The following NASP variants were observed in gnomAD, a reference collection of about 807,000 sequenced individuals.
NASP encodes nuclear autoantigenic sperm protein.
Under a neutral mutation model 89.5 loss-of-function variants are expected in NASP, and 24 were observed. The ratio of observed to expected loss-of-function variants is 0.27; its 90% confidence interval spans 0.19 to 0.38. NASP has a LOEUF of 0.38. Ranked by LOEUF, NASP falls within the 10% of genes least tolerant of loss-of-function variation. The pLI, the probability that NASP is intolerant of heterozygous loss-of-function variation, is 1.00. For synonymous variants in NASP, 306 were observed against 324.7 expected (o/e 0.94, Z 0.62); for missense variants, 848 against 921.4 (o/e 0.92, Z 1.03).
intron 4 of NASP, 57 bp from the exon 5 acceptor site, chr1:45,606,424 AG>A: frequency 8.1e-7 from 1 of 1,238,948 alleles, no homozygotes; most frequent in Non-Finnish European, 1.2e-6. Flanking sequence ...TTTCTGTCTT[AG>A]AAAAAATTGC....
rs1179817272 is a variant in NASP, at chr1:45,587,682, AT to A, written c.59+3478del. Among the ~76,000 whole-genome samples, 817 of 102,114 alleles carry A rather than the reference AT, an allele frequency of 8.0e-3. 93 individuals carry two copies. The highest frequency in any genetic ancestry group is 0.026 in the African/African-American group (684 of 26,164). The allele number at this position is 102,114 out of a possible 152,430, so 67.0% of individuals were successfully genotyped here. On this transcript the variant is annotated intron_variant, in intron 1 of 14. Transcript: ENST00000350030. Reference sequence around the variant, plus strand: ...TTTTCATATATATATATATATATATATATATAATTAATTTTTTGGAGAGAGA... The same window carrying A: ...TTTTCATATATATATATATATATATAATATAATTAATTTTTTGGAGAGAGA...
chr1:45,607,748 A>T lies in NASP; in HGVS notation c.837A>T (p.Glu279Asp). The change falls in exon 6 of 15, where the codon GAA (glutamate) becomes GAT (aspartate). Residue 279 changes from glutamate (E) to aspartate (D), a missense_variant. Glu to Asp is a conservative substitution (Grantham distance 45). Coordinates refer to ENST00000350030, the MANE Select transcript of NASP (RefSeq NM_002482.4). ...AGGAGAAGCCAAAAGAAGTTTCAGA[A>T]GAGCAGCCTGTGGTGACTCTAGAAA... Reference protein sequence around the residue: ...SIEEKPKEVSEEQPVVTLEKQ... With the variant: ...SIEEKPKEVSDEQPVVTLEKQ... The T allele has an allele frequency of 1.2e-6, 2 of 1,614,140 alleles. No individual in the cohort carries two copies. Among genetic ancestry groups the T allele is most frequent in the South Asian group, 2.2e-5 (2 of 91,080 alleles).
In NASP at chr1:45,618,802, T is replaced by C. The variant is rs773839451; in HGVS notation, c.*661T>C. 6.6e-6 allele frequency: 1 copy of C among 152,268 alleles called. No homozygotes were observed. The highest frequency in any genetic ancestry group is 1.5e-5 in the Non-Finnish European group (1 of 68,076). The allele number at this position is 152,268 out of a possible 1,614,324, so 9.4% of individuals were successfully genotyped here. ...GGGGAGGCTGGCTGGTTGAGTTTTG[T>C]TATTTTCTGTATAGAAAGGTTGAGA... On this transcript the variant is annotated 3_prime_UTR_variant, in exon 15 of 15. Coordinates refer to ENST00000350030, the MANE Select transcript of NASP (RefSeq NM_002482.4).
chr1:45,600,039 G>A (rs955778619), intron 2 of NASP, among the ~76,000 whole-genome samples: 3 of 120,078 alleles, frequency 2.5e-5, no homozygotes, highest in African/African-American at 9.8e-5. Flanking sequence ...GCTCATTCTT[G>A]TTATAATCAC....
intron 7 of NASP, 120 bp downstream of exon 7, chr1:45,613,368 C>G: frequency 8.5e-7 from 1 of 1,172,368 alleles, no homozygotes; most frequent in Non-Finnish European, 1.2e-6. Flanking sequence ...CTCACTGCAG[C>G]CTAGACCCGG....
At chr1:45,616,784 A>G in intron 13 of NASP, 81 bp downstream of exon 13, 1 of 1,287,682 alleles carries the variant, frequency 7.8e-7, no homozygotes, top group Non-Finnish European at 1.1e-6. Flanking sequence ...CCCTCCCTAT[A>G]GTTGGTGCAT....
chr1:45,614,788 C>T (rs1448856405), intron 9 of NASP, among the ~76,000 whole-genome samples: 1 of 152,160 alleles, frequency 6.6e-6, no homozygotes, highest in Non-Finnish European at 1.5e-5. Context: ...CTGCCCGCCT[C>T]AGCCTCCCAA....
At chr1:45,589,514 A>C (rs78564007) in intron 1 of NASP, among the ~76,000 whole-genome samples, 3 of 152,158 alleles carry the variant, frequency 2.0e-5, no homozygotes, top group African/African-American at 7.2e-5. Flanking sequence ...ATTCATGCTC[A>C]TTCTAAAAAT....
chr1:45,598,336 A>C (rs1398910103), intron 2 of NASP, among the ~76,000 whole-genome samples: 7 of 152,102 alleles, frequency 4.6e-5, no homozygotes, highest in Admixed American at 2.6e-4. Context: ...ATGCCCGGCT[A>C]ATTTTGTATT....
chr1:45,592,707 G>T (rs927980882), intron 2 of NASP: 2 of 152,094 alleles, frequency 1.3e-5, no homozygotes, highest in Admixed American at 6.5e-5. Flanking sequence ...TAGAGACAGG[G>T]TTTCGCCATG....
chr1:45,593,555 ACTC>A (rs899595393), intron 2 of NASP, among the ~76,000 whole-genome samples: 1 of 145,940 alleles, frequency 6.9e-6, no homozygotes, highest in African/African-American at 2.5e-5. Context: ...AAAAAAAAAA[ACTC>A]CGAGAACAGT....
intron 1 of NASP, among the ~76,000 whole-genome samples, chr1:45,590,708 C>T (rs1212394511): frequency 5.4e-5 from 5 of 92,588 alleles, no homozygotes; most frequent in Admixed American, 1.6e-4. Context: ...TTTTTTGAGA[C>T]GGAGTCTCGC....
At chr1:45,612,204 A>G (rs1300564828) in intron 6 of NASP, 3 of 151,920 alleles carry the variant, frequency 2.0e-5, no homozygotes, top group Admixed American at 6.6e-5. Flanking sequence ...TTCTTTGAAA[A>G]CGGAATCTCT....
At chr1:45,612,359 G>C (rs1644030154) in intron 6 of NASP, 1 of 152,172 alleles carries the variant, frequency 6.6e-6, no homozygotes, top group Non-Finnish European at 1.5e-5. Context: ...AAAGATGGCA[G>C]AGAGAGGCAT....
chr1:45,584,449 G>A (rs1427493328), intron 1 of NASP, among the ~76,000 whole-genome samples: 1 of 152,206 alleles, frequency 6.6e-6, no homozygotes, highest in Non-Finnish European at 1.5e-5. Context: ...ATCTTGCCGG[G>A]GGCAGCGGCG....
At position 45,615,041 on chromosome 1, in the gene NASP, C is replaced by A; in HGVS notation, c.1695C>A (p.Phe565Leu). The change falls in exon 10 of 15, where the codon TTC (phenylalanine) becomes TTA (leucine). Residue 565 changes from phenylalanine to leucine, a missense_variant. Phe to Leu is a conservative substitution (Grantham distance 22, BLOSUM62 0). This residue lies in a region of NASP where 60 missense variants were observed against 114.6 expected (regional missense o/e 0.52). Transcript: ENST00000350030. ...SENYVQAVEE[F>L]QSCLNLQEQY... The stretch of plus-strand genomic sequence containing the variant: ...ACTATGTGCAAGCTGTGGAGGAGTT[C>A]CAGTCCTGCCTTAACCTGCAGGAAC... 1 of 1,613,576 alleles carries A rather than the reference C, an allele frequency of 6.2e-7. No homozygotes were observed. The highest frequency in any genetic ancestry group is 8.5e-7 in the Non-Finnish European group (1 of 1,179,858).
In NASP at chr1:45,608,025, C is replaced by A. The variant is rs200497808; in HGVS notation, c.1114C>A (p.Pro372Thr). 17 of 1,548,370 alleles carry A rather than the reference C, an allele frequency of 1.1e-5. No homozygotes were observed. The highest frequency in any genetic ancestry group is 1.5e-5 in the Non-Finnish European group (17 of 1,119,824). ...EVSEKPGQEA[P>T]VLPKDGAVNG... is the part of the protein sequence containing the mutation. ...CTCTGAAAAGCCTGGGCAGGAGGCT[C>A]CAGTTCTCCCTAAGGATGGTGCAGT... Residue 372 changes from proline to threonine, a missense_variant, in exon 6 of 15, where the codon CCA (proline) becomes ACA (threonine). Physicochemically the swap from Pro to Thr is conservative, Grantham distance 38. Coordinates refer to ENST00000350030, the MANE Select transcript of NASP (RefSeq NM_002482.4).
intron 3 of NASP, 64 bp downstream of exon 3, chr1:45,602,429 A>G: frequency 6.8e-7 from 1 of 1,469,430 alleles, no homozygotes; most frequent in Admixed American, 2.0e-5. Flanking sequence ...GTTATCAAAA[A>G]TTATTTTATG....
chr1:45,593,635 A>G (rs115868951), intron 2 of NASP, among the ~76,000 whole-genome samples: 66 of 151,626 alleles, frequency 4.4e-4, no homozygotes, highest in African/African-American at 1.6e-3. Flanking sequence ...TTTATGTAAA[A>G]TTAAATGAGT....
Sources: gnomAD v4.1 joint callset for allele counts (sites outside exome capture counted in the v4.1 genomes callset) on GRCh38, gnomAD v4.1.1 for gene constraint, gnomAD v4.1.1 regional missense constraint, MANE v1.5 for transcripts, NCBI Gene and HGNC (gene_info 2026-07-23, HGNC 2026-07-21) for gene names.